ADAMTS6: variants seen among roughly 807,000 people sequenced by gnomAD.
ADAMTS6 encodes A disintegrin and metalloproteinase with thrombospondin motifs 6.
In ADAMTS6, 23 loss-of-function variants were observed where a neutral mutation model predicts 144.3. The ratio of observed to expected loss-of-function variants is 0.16; its 90% CI spans 0.11 to 0.23. ADAMTS6 has a LOEUF of 0.23. Among genes scored for constraint, ADAMTS6 ranks in the 10% least tolerant of loss-of-function variants. ADAMTS6 has a pLI of 1.00. For synonymous variants in ADAMTS6, 444 were observed against 457.5 expected (o/e 0.97, Z 0.38); for missense variants, 999 against 1,379.6 (o/e 0.72, Z 4.37).
intron 7 of ADAMTS6, among the ~76,000 whole-genome samples, chr5:65,393,287 T>C (rs1753074465): frequency 1.3e-5 from 2 of 152,196 alleles, no homozygotes; most frequent in African/African-American, 2.4e-5. Context: ...CTTTTAAAAA[T>C]GTGTACCCCT....
intron 20 of ADAMTS6, chr5:65,210,599 T>A: frequency 1.6e-6 from 1 of 607,376 alleles, no homozygotes; most frequent in Non-Finnish European, 2.9e-6. Context: ...AATAAAGTTT[T>A]TGGCACCCCA....
intron 7 of ADAMTS6, among the ~76,000 whole-genome samples, chr5:65,400,755 T>C (rs193299585): frequency 6.6e-6 from 1 of 152,336 alleles, no homozygotes; most frequent in Non-Finnish European, 1.5e-5. Context: ...TTTGTTCTCT[T>C]AGTTTTTGAG....
chr5:65,456,237 T>C (rs1759192732), intron 4 of ADAMTS6, among the ~76,000 whole-genome samples: 1 of 152,112 alleles, frequency 6.6e-6, no homozygotes, highest in Non-Finnish European at 1.5e-5. Flanking sequence ...GATTGACTTG[T>C]TTTGTTTCAA....
chr5:65,214,733 C>T lies in ADAMTS6; in HGVS notation c.2575+61G>A. 2 of 1,609,480 alleles carry T rather than the reference C, an allele frequency of 1.2e-6. No homozygotes were observed. Among genetic ancestry groups the T allele is most frequent in the Non-Finnish European group, 1.7e-6 (2 of 1,176,792 alleles). On this transcript the variant is annotated intron_variant, in intron 20 of 24. Coordinates refer to ENST00000381055, the MANE Select transcript of ADAMTS6 (RefSeq NM_197941.4). This position sits in a 1 kb window ranked among gnomAD's most constrained non-coding sequence, Gnocchi z 4.6. ...CTTTTTTAACAAACACAAAGCATAG[C>T]TCAGAATGTGTTTTGTTCTCCATCT... is the stretch of plus-strand genomic sequence containing the variant.
At chr5:65,397,876 TA>T (rs34170790) in intron 7 of ADAMTS6, among the ~76,000 whole-genome samples, 1,759 of 121,680 alleles carry the variant, frequency 0.014, 17 homozygotes, top group East Asian at 0.037. Flanking sequence ...GACCCTGTCT[TA>T]AAAAAAAAAA....
At chr5:65,413,237 C>T (rs757848248) in intron 7 of ADAMTS6, among the ~76,000 whole-genome samples, 3 of 152,028 alleles carry the variant, frequency 2.0e-5, no homozygotes, top group Non-Finnish European at 4.4e-5. Flanking sequence ...CTGTGGTAAG[C>T]CTATGCTTTT....
intron 3 of ADAMTS6, among the ~76,000 whole-genome samples, chr5:65,463,330 T>A (rs981404494): frequency 1.3e-5 from 2 of 151,878 alleles, no homozygotes; most frequent in Non-Finnish European, 1.5e-5. Flanking sequence ...GAACAACAAA[T>A]GCAAAGGCAA....
At position 65,337,237 on chromosome 5, in the gene ADAMTS6, TC is replaced by T. The variant is rs1319506447; in HGVS notation, c.1074-3153del. ...ATACTTTGTGTATACTCACTCAATATCATGTTACCTGCACATAACAAAATGT... is the reference window on the plus strand; with the variant it reads ...ATACTTTGTGTATACTCACTCAATATATGTTACCTGCACATAACAAAATGT... On this transcript the variant is annotated intron_variant, in intron 7 of 24. Transcript: ENST00000381055. Among the ~76,000 whole-genome samples the T allele has an allele frequency of 2.0e-5, 3 of 152,274 alleles. No individual in the cohort carries two copies. The East Asian group carries it at 5.8e-4, about 29-fold the overall frequency.
In ADAMTS6 at chr5:65,253,812, C is replaced by CTTTTTTTT. The variant is rs759508097; in HGVS notation, c.1830+6780_1830+6787dup. On this transcript the variant is annotated intron_variant, in intron 14 of 24. Transcript: ENST00000381055. Reference sequence around the variant, plus strand: ...TAAAGTCTTGCTTACAATATTCAATCTTTTTTTTTTTTTTTTTTTTTTTTT... The same window carrying CTTTTTTTT: ...TAAAGTCTTGCTTACAATATTCAATCTTTTTTTTTTTTTTTTTTTTTTTTTTTTTTTTT... Among the ~76,000 whole-genome samples the CTTTTTTTT allele has an allele frequency of 6.0e-4, 40 of 66,996 alleles. 2 individuals carry two copies. The highest frequency in any genetic ancestry group is 1.1e-3 in the African/African-American group (17 of 15,390). The allele number at this position is 66,996 out of a possible 152,430, so 44.0% of individuals were successfully genotyped here.
intron 7 of ADAMTS6, among the ~76,000 whole-genome samples, chr5:65,335,667 T>C (rs1015291860): frequency 6.6e-6 from 1 of 152,052 alleles, no homozygotes; most frequent in Admixed American, 6.6e-5. Flanking sequence ...AATAGAAAGA[T>C]AAATAAGTTA....
At chr5:65,227,127 C>T (rs1757787153) in intron 15 of ADAMTS6, among the ~76,000 whole-genome samples, 1 of 151,966 alleles carries the variant, frequency 6.6e-6, no homozygotes, top group Non-Finnish European at 1.5e-5. Flanking sequence ...TTAATTATAG[C>T]TTTAAATTTG....
At chr5:65,187,298 A>G (rs1162588952) in intron 22 of ADAMTS6, among the ~76,000 whole-genome samples, 1 of 152,212 alleles carries the variant, frequency 6.6e-6, no homozygotes, top group African/African-American at 2.4e-5. Context: ...CTAATTTTTC[A>G]TAAGATAATT....
chr5:65,466,828 G>A (rs998966970), intron 3 of ADAMTS6, among the ~76,000 whole-genome samples: 5 of 152,156 alleles, frequency 3.3e-5, no homozygotes, highest in African/African-American at 9.7e-5. Context: ...GGATCACGAG[G>A]TCAGGAGATC....
At chr5:65,299,086 A>G (rs1344636857) in intron 10 of ADAMTS6, among the ~76,000 whole-genome samples, 1 of 152,150 alleles carries the variant, frequency 6.6e-6, no homozygotes, top group African/African-American at 2.4e-5. Context: ...CCTAAAGAAA[A>G]AAATGGCACA....
chr5:65,173,068 G>C (rs1324873376), intron 22 of ADAMTS6, 60 bp from the exon 23 acceptor site: 31 of 1,526,550 alleles, frequency 2.0e-5, no homozygotes, highest in Non-Finnish European at 2.5e-5. Context: ...AAAATTTGAA[G>C]AAAGTCTTTC....
In ADAMTS6 at chr5:65,366,009, CAA is replaced by C. The variant is rs112221663; in HGVS notation, c.1074-31926_1074-31925del. Among the ~76,000 whole-genome samples the C allele has an allele frequency of 4.2e-3, 599 of 142,578 alleles. 9 individuals are homozygous for C. The highest frequency in any genetic ancestry group is 0.014 in the African/African-American group (531 of 39,106). The allele number at this position is 142,578 out of a possible 152,430, so 93.5% of individuals were successfully genotyped here. Reference sequence around the variant, plus strand: ...TGAACTTTATAATCATTAAATAAAACAAAAAAAAAAATCTCTTTTGGTACCAT... The same window carrying C: ...TGAACTTTATAATCATTAAATAAAACAAAAAAAAATCTCTTTTGGTACCAT... On this transcript the variant is annotated intron_variant, in intron 7 of 24. Coordinates refer to ENST00000381055, the MANE Select transcript of ADAMTS6 (RefSeq NM_197941.4).
chr5:65,471,017 G>A lies in ADAMTS6; in HGVS notation c.223C>T (p.Pro75Ser). The change falls in exon 3 of 25, where the codon CCT (proline) becomes TCT (serine). Residue 75 changes from proline to serine, a missense_variant. By Grantham distance (74) the Pro-to-Ser change is moderately conservative. This residue lies in a region of ADAMTS6 where 252 missense variants were observed against 293.7 expected (regional missense o/e 0.86). Transcript: ENST00000381055. ...KHSRRRRSMD[P>S]IDPQQAVSKL... Reference sequence around the variant, plus strand: ...GATACTGCCTGCTGTGGATCAATAGGGTCCATACTCCGTCTTCTCCTTGAG... The same window carrying A: ...GATACTGCCTGCTGTGGATCAATAGAGTCCATACTCCGTCTTCTCCTTGAG... 4 of 1,612,310 alleles carry A rather than the reference G, an allele frequency of 2.5e-6. No individual in the cohort carries two copies. The highest frequency in any genetic ancestry group is 3.4e-6 in the Non-Finnish European group (4 of 1,179,430).
chr5:65,214,616 T>C lies in ADAMTS6; in HGVS notation c.2575+178A>G. 1 of 847,670 alleles carries C rather than the reference T, an allele frequency of 1.2e-6. No individual in the cohort carries two copies. The highest frequency in any genetic ancestry group is 1.8e-6 in the Non-Finnish European group (1 of 540,982). 52.5% of individuals were successfully genotyped at this position (847,670 alleles called of 1,614,324 possible). A position where few individuals can be genotyped will look rare whatever the true frequency, so the allele number is the denominator to read the frequency against. On this transcript the variant is annotated intron_variant, in intron 20 of 24. Transcript: ENST00000381055. This position sits in a 1 kb window ranked among gnomAD's most constrained non-coding sequence, Gnocchi z 4.6. ...ACAAATCTGCACAAATTACATGAGG[T>C]TGAAAACAAATGGAATATAATATAA... is the stretch of plus-strand genomic sequence containing the variant.
intron 24 of ADAMTS6, among the ~76,000 whole-genome samples, chr5:65,155,150 CA>C (rs1232313781): frequency 6.6e-6 from 1 of 152,146 alleles, no homozygotes; most frequent in Non-Finnish European, 1.5e-5. Context: ...TTTAACTCCA[CA>C]AGAGCTTAAT....
Sources: gnomAD v4.1 joint callset for allele counts (sites outside exome capture counted in the v4.1 genomes callset) on GRCh38, gnomAD v4.1.1 for gene constraint, gnomAD v4.1.1 regional missense constraint, Gnocchi (gnomAD v3.1) non-coding constraint, MANE v1.5 for transcripts, NCBI Gene and HGNC (gene_info 2026-07-23, HGNC 2026-07-21) for gene names.